The following BBS2 variants were observed in gnomAD, a reference collection of about 807,000 sequenced individuals.
The protein encoded by BBS2 is Bardet-Biedl syndrome 2.
Under a neutral mutation model 83.0 loss-of-function variants are expected in BBS2, and 62 were observed. The ratio of observed to expected loss-of-function variants is 0.75; its 90% CI spans 0.61 to 0.92. The LOEUF is 0.92. Ranked by LOEUF, BBS2 falls within the 40% of genes least tolerant of loss-of-function variation. The probability of loss-of-function intolerance (pLI) is 0.00; values close to 1 mark genes in which losing one functional copy is unlikely to be tolerated. For synonymous variants in BBS2, 303 were observed against 326.1 expected, an observed-to-expected ratio of 0.93 and a Z score of 0.76; for missense variants, 784 against 901.0, an observed-to-expected ratio of 0.87 and a Z score of 1.66.
intron 2 of BBS2, among the ~76,000 whole-genome samples, chr16:56,513,166 A>G (rs1373040703): frequency 9.2e-5 from 14 of 152,178 alleles, no homozygotes; most frequent in Admixed American, 7.2e-4. Context: ...AACAAAAACA[A>G]AAAGAAAGAA....
Position 56,502,386 on chromosome 16 carries a change from C to T in BBS2, c.1011G>A (p.Leu337=), listed in dbSNP as rs767239768. ...NLMDTSAEQD[L]IRELSQKKQN... ...GCTTCTTCTGACTCAGCTCTCGGATCAGGTCCTGCTCTGCACTGGTGTCCA... is the reference window on the plus strand; with the variant it reads ...GCTTCTTCTGACTCAGCTCTCGGATTAGGTCCTGCTCTGCACTGGTGTCCA... The change falls in exon 9 of 17, where the codon CTG becomes CTA. Residue 337 remains leucine (L), a synonymous_variant. Transcript: ENST00000245157. 17 of 1,614,220 alleles carry T rather than the reference C, an allele frequency of 1.1e-5. No homozygotes were observed. Among genetic ancestry groups the T allele is most frequent in the Middle Eastern group, 1.6e-4 (1 of 6,062 alleles).
chr16:56,515,203 A>G (rs1964699254), intron 1 of BBS2, among the ~76,000 whole-genome samples: 1 of 152,234 alleles, frequency 6.6e-6, no homozygotes, highest in African/African-American at 2.4e-5. Flanking sequence ...GAAGGCTTTC[A>G]CAGTTTATAC....
rs770986334 is a variant in BBS2, at chr16:56,509,943, G to C, written c.612+14C>G. 20 of 1,613,298 alleles carry C rather than the reference G, an allele frequency of 1.2e-5. No individual in the cohort carries two copies. The Admixed American group carries it at 1.3e-4, about 11-fold the overall frequency. ...TTGCTCAAGGTTACCATAGTTCGAGGTGGAGCTTCTTACCTCTGTTTCTGT... is the reference window on the plus strand; with the variant it reads ...TTGCTCAAGGTTACCATAGTTCGAGCTGGAGCTTCTTACCTCTGTTTCTGT... On this transcript the variant is annotated intron_variant, in intron 5 of 16. Transcript: ENST00000245157.
intron 15 of BBS2, among the ~76,000 whole-genome samples, chr16:56,494,361 C>G (rs552486977): frequency 6.6e-6 from 1 of 151,858 alleles, no homozygotes; most frequent in South Asian, 2.1e-4. Flanking sequence ...AGTATGAACT[C>G]ATATTTTCTC....
Position 56,519,916 on chromosome 16 carries a change from G to A in BBS2, c.-54C>T, listed in dbSNP as rs1160325252. On this transcript the variant is annotated 5_prime_UTR_variant, in exon 1 of 17. Transcript: ENST00000245157. ...GGAAGCTGGAGACAAGCGCAGCGGA[G>A]CTGGCCTCACGCGCCCGGGCAAGAA... The A allele has an allele frequency of 6.7e-7, 1 of 1,498,012 alleles. No homozygotes were observed. Among genetic ancestry groups the A allele is most frequent in the East Asian group, 2.3e-5 (1 of 44,050 alleles). The allele number at this position is 1,498,012 out of a possible 1,614,324, so 92.8% of individuals were successfully genotyped here.
chr16:56,499,937 T>G, intron 11 of BBS2, 30 bp from the exon 12 acceptor site: 4 of 1,613,102 alleles, frequency 2.5e-6, no homozygotes, highest in East Asian at 2.2e-5. Flanking sequence ...CACAAGAGAA[T>G]TGTTTTGTAT....
At chr16:56,502,229 A>G in intron 9 of BBS2, 88 bp downstream of exon 9, 2 of 1,562,978 alleles carry the variant, frequency 1.3e-6, no homozygotes, top group Non-Finnish European at 1.8e-6. Flanking sequence ...TGGCAATGAC[A>G]CTCTCATTCT....
chr16:56,498,443 A>G lies in BBS2; in HGVS notation c.1653T>C (p.Ser551=), dbSNP rs1164036055. The G allele has an allele frequency of 6.2e-6, 10 of 1,613,812 alleles. No individual in the cohort carries two copies. The highest frequency in any genetic ancestry group is 8.5e-6 in the Non-Finnish European group (10 of 1,179,968). The stretch of plus-strand genomic sequence containing the variant: ...CCGTGATATTAAACATTACCTCTCC[A>G]CTAAGTTTTATTTTTATATGCAGGT... ...GGHLHIKIKL[S]GEITINTDDI... The change falls in exon 13 of 17, where the codon AGT becomes AGC. Residue 551 remains serine (S), a synonymous_variant. Transcript: ENST00000245157.
intron 2 of BBS2, among the ~76,000 whole-genome samples, chr16:56,513,125 C>G (rs528395885): frequency 6.6e-6 from 1 of 152,266 alleles, no homozygotes; most frequent in East Asian, 1.9e-4. Flanking sequence ...GCACTCCAGC[C>G]TGGGTGACAG....
intron 1 of BBS2, among the ~76,000 whole-genome samples, chr16:56,518,280 T>C (rs536720988): frequency 2.9e-4 from 44 of 152,324 alleles, no homozygotes; most frequent in Middle Eastern, 3.4e-3. Flanking sequence ...TCCTAAAAAC[T>C]ATAAATTGTT....
In BBS2 at chr16:56,474,948, A is replaced by G. The variant is rs776295158; in HGVS notation, c.*1-4253T>C. ...GACTTAATTCTGTACTGTGGCTGTG[A>G]AGGTAAGAGGGAGGAAAGCAAGCGG... On this transcript the variant is annotated intron_variant, in intron 17 of 17. Coordinates refer to the BBS2 transcript ENST00000682047. 3.1e-6 allele frequency: 5 copies of G among 1,613,542 alleles called. No homozygotes were observed. Among genetic ancestry groups the G allele is most frequent in the African/African-American group, 1.3e-5 (1 of 75,016 alleles).
At chr16:56,474,757 G>A in intron 17 of BBS2, 2 of 1,266,598 alleles carry the variant, frequency 1.6e-6, no homozygotes, top group South Asian at 2.8e-5. Flanking sequence ...TCCTAATTAT[G>A]ATTCCCTTGC....
In BBS2 at chr16:56,484,630, T is replaced by C. The variant is rs1963723910; in HGVS notation, c.*131A>G. The C allele has an allele frequency of 1.3e-6, 1 of 742,676 alleles. No homozygotes were observed. The highest frequency in any genetic ancestry group is 2.1e-5 in the Admixed American group (1 of 48,052). 46.0% of individuals were successfully genotyped at this position (742,676 alleles called of 1,614,324 possible). ...TTCACATGTAGTTCTTTGTCTTTAA[T>C]TTGTACAACTCACCAAGGTTATTTT... On this transcript the variant is annotated 3_prime_UTR_variant, in exon 17 of 17. Transcript: ENST00000245157.
chr16:56,483,854 C>A (rs771579427), downstream of BBS2, among the ~76,000 whole-genome samples: 6 of 151,882 alleles, frequency 4.0e-5, no homozygotes, highest in Non-Finnish European at 7.4e-5. Flanking sequence ...TGTCCACCAC[C>A]AAACCTGGCT....
At chr16:56,518,770 T>TAGC (rs1451403977) in intron 1 of BBS2, among the ~76,000 whole-genome samples, 6 of 101,282 alleles carry the variant, frequency 5.9e-5, no homozygotes, top group African/African-American at 9.6e-5. Flanking sequence ...GCTTCTGGAC[T>TAGC]ATAAGCTTTC....
intron 17 of BBS2, among the ~76,000 whole-genome samples, chr16:56,474,384 A>C (rs932137121): frequency 4.7e-5 from 7 of 148,980 alleles, no homozygotes; most frequent in Admixed American, 1.3e-4. Flanking sequence ...GTAATGGCAC[A>C]ATCTCGGCTT....
intron 5 of BBS2, chr16:56,509,475 C>T (rs1964517501): frequency 5.7e-6 from 1 of 176,756 alleles, no homozygotes; most frequent in Non-Finnish European, 1.2e-5. Flanking sequence ...GCACTCCAGC[C>T]TGGGTGATGG....
At chr16:56,519,513 C>A in intron 1 of BBS2, 1 of 545,928 alleles carries the variant, frequency 1.8e-6, no homozygotes, top group Non-Finnish European at 3.3e-6. Context: ...GGGACCCCGA[C>A]CTCGCCTGAC....
chr16:56,498,831 G>T, intron 12 of BBS2: 1 of 788,356 alleles, frequency 1.3e-6, no homozygotes, highest in Non-Finnish European at 1.9e-6. Flanking sequence ...CCCCACAGCA[G>T]ACATGATTTC....
Sources: gnomAD v4.1 joint callset for allele counts (sites outside exome capture counted in the v4.1 genomes callset) on GRCh38, gnomAD v4.1.1 for gene constraint, MANE v1.5 for transcripts, NCBI Gene and HGNC (gene_info 2026-07-23, HGNC 2026-07-21) for gene names.